Variants in SLCO1B1 observed in about 807,000 individuals in gnomAD.
SLCO1B1 encodes solute carrier organic anion transporter family member 1B1.
A neutral mutation model predicts 70.1 loss-of-function variants in SLCO1B1; 81 were observed. The ratio of observed to expected loss-of-function variants is 1.16; its 90% CI spans 0.97 to 1.39. SLCO1B1 has a LOEUF of 1.39. SLCO1B1 is among the 40% of genes most tolerant of loss of function. The pLI, the probability that SLCO1B1 is intolerant of heterozygous loss-of-function variation, is 0.00. For missense variants in SLCO1B1, 895 were observed against 799.6 expected, an observed-to-expected ratio of 1.12 and a Z score of -1.44; for synonymous variants, 283 against 271.5, an observed-to-expected ratio of 1.04 and a Z score of -0.42.
chr12:21,139,202 G>T (rs569286181), intron 1 of SLCO1B1, among the ~76,000 whole-genome samples: 2 of 152,100 alleles, frequency 1.3e-5, no homozygotes, highest in South Asian at 2.1e-4. Context: ...TTTAAAAAAA[G>T]ATTTCCTAAT....
chr12:21,183,271 C>T (rs1470121413), intron 7 of SLCO1B1, among the ~76,000 whole-genome samples: 3 of 152,218 alleles, frequency 2.0e-5, no homozygotes, highest in African/African-American at 7.2e-5. Flanking sequence ...TCGTAGCTCA[C>T]TGCAGCCTCA....
At chr12:21,139,012 AG>A (rs1940269624) in intron 1 of SLCO1B1, among the ~76,000 whole-genome samples, 1 of 152,152 alleles carries the variant, frequency 6.6e-6, no homozygotes, top group Non-Finnish European at 1.5e-5. Context: ...ATAGAAAGAA[AG>A]GTGGGAGACA....
At chr12:21,137,093 C>T (rs1255153906) in intron 1 of SLCO1B1, among the ~76,000 whole-genome samples, 1 of 152,164 alleles carries the variant, frequency 6.6e-6, no homozygotes, top group Non-Finnish European at 1.5e-5. Context: ...TGCTAGAGGT[C>T]CACTGCAGAC....
At chr12:21,216,514 A>G (rs1251401217) in intron 11 of SLCO1B1, among the ~76,000 whole-genome samples, 3 of 152,300 alleles carry the variant, frequency 2.0e-5, no homozygotes, top group African/African-American at 7.2e-5. Flanking sequence ...TCTGTGCTCT[A>G]AACACTAGTG....
chr12:21,232,740 A>AC (rs201248529), intron 14 of SLCO1B1, among the ~76,000 whole-genome samples: 18,445 of 95,468 alleles, frequency 0.19, 1,547 homozygotes, highest in Non-Finnish European at 0.25. Context: ...AGAGACAGAG[A>AC]AAGACAGAGA....
intron 11 of SLCO1B1, among the ~76,000 whole-genome samples, chr12:21,211,991 G>A (rs895953469): frequency 6.7e-6 from 1 of 148,606 alleles, no homozygotes; most frequent in Admixed American, 6.7e-5. Context: ...TATCAATTTT[G>A]TTGATCCTTT....
At chr12:21,229,961 T>C (rs1035018730) in intron 14 of SLCO1B1, among the ~76,000 whole-genome samples, 4 of 152,198 alleles carry the variant, frequency 2.6e-5, no homozygotes, top group Admixed American at 2.6e-4. Flanking sequence ...GGGAAGACTT[T>C]GAGTTTCTCA....
At chr12:21,183,576 C>A (rs1472648459) in intron 7 of SLCO1B1, among the ~76,000 whole-genome samples, 4 of 152,124 alleles carry the variant, frequency 2.6e-5, no homozygotes, top group Non-Finnish European at 5.9e-5. Context: ...TGTGCAGAGT[C>A]TTATCCCAGA....
At chr12:21,233,670 G>T (rs1362783133) in intron 14 of SLCO1B1, among the ~76,000 whole-genome samples, 5 of 151,914 alleles carry the variant, frequency 3.3e-5, no homozygotes. Flanking sequence ...GGAGAAGAAA[G>T]GAGGAGTTGG....
At chr12:21,151,423 C>A (rs975469358) in intron 2 of SLCO1B1, among the ~76,000 whole-genome samples, 1 of 152,040 alleles carries the variant, frequency 6.6e-6, no homozygotes, top group Non-Finnish European at 1.5e-5. Flanking sequence ...CTGATAATAG[C>A]AAATTATTTA....
At chr12:21,217,668 T>C (rs1941375758) in intron 12 of SLCO1B1, among the ~76,000 whole-genome samples, 1 of 152,132 alleles carries the variant, frequency 6.6e-6, no homozygotes, top group Non-Finnish European at 1.5e-5. Flanking sequence ...GGTAAATCTA[T>C]TGATTTCACT....
intron 7 of SLCO1B1, among the ~76,000 whole-genome samples, chr12:21,180,201 T>G (rs1405566595): frequency 6.6e-6 from 1 of 152,178 alleles, no homozygotes; most frequent in African/African-American, 2.4e-5. Flanking sequence ...ATTCCCTATA[T>G]TCCTCCTTTT....
At chr12:21,184,101 G>C (rs1390636272) in intron 7 of SLCO1B1, among the ~76,000 whole-genome samples, 4 of 152,050 alleles carry the variant, frequency 2.6e-5, no homozygotes, top group East Asian at 3.9e-4. Flanking sequence ...GTTTCCTTCT[G>C]TAAAGAAACC....
At chr12:21,231,982 A>G (rs1458431516) in intron 14 of SLCO1B1, among the ~76,000 whole-genome samples, 1 of 152,162 alleles carries the variant, frequency 6.6e-6, no homozygotes, top group Admixed American at 6.5e-5. Flanking sequence ...TGAGGTTGTA[A>G]CTTAACCATG....
intron 1 of SLCO1B1, among the ~76,000 whole-genome samples, chr12:21,131,900 A>G (rs972617538): frequency 1.3e-5 from 2 of 151,986 alleles, no homozygotes; most frequent in South Asian, 4.2e-4. Flanking sequence ...GGTTTGTTAC[A>G]TATGTATACA....
At chr12:21,204,814 G>A (rs1941195827) in intron 10 of SLCO1B1, among the ~76,000 whole-genome samples, 1 of 151,806 alleles carries the variant, frequency 6.6e-6, no homozygotes, top group Non-Finnish European at 1.5e-5. Context: ...TTCTCATTGT[G>A]TCCAGGCATG....
chr12:21,231,311 T>C (rs1269372246), intron 14 of SLCO1B1, among the ~76,000 whole-genome samples: 3 of 152,158 alleles, frequency 2.0e-5, no homozygotes, highest in Non-Finnish European at 2.9e-5. Context: ...ATATCAAGTA[T>C]AGTATCTGTT....
chr12:21,148,963 G>A (rs1211405242), intron 2 of SLCO1B1, among the ~76,000 whole-genome samples: 1 of 151,994 alleles, frequency 6.6e-6, no homozygotes, highest in African/African-American at 2.4e-5. Flanking sequence ...GTATTCCTAG[G>A]TATTTTATTC....
Position 21,178,977 on chromosome 12 carries a change from T to A in SLCO1B1, c.684T>A (p.Ser228=). ...CAATCATTGGCTTTACCCTGGGATC[T>A]CTGTTTTCTAAAATGTACGTGGATA... The part of the protein sequence containing the change: ...IGPIIGFTLG[S]LFSKMYVDIG... Residue 228 remains serine, a synonymous_variant, in exon 7 of 15, where the codon TCT becomes TCA. Coordinates refer to ENST00000256958, the MANE Select transcript of SLCO1B1 (RefSeq NM_006446.5). The A allele has an allele frequency of 6.2e-7, 1 of 1,611,950 alleles. No homozygotes were observed. The highest frequency in any genetic ancestry group is 8.5e-7 in the Non-Finnish European group (1 of 1,178,336).
Sources: gnomAD v4.1 joint callset for allele counts (sites outside exome capture counted in the v4.1 genomes callset) on GRCh38, gnomAD v4.1.1 for gene constraint, MANE v1.5 for transcripts, NCBI Gene and HGNC (gene_info 2026-07-23, HGNC 2026-07-21) for gene names.